The following PTK2 variants were observed in gnomAD, a reference collection of about 807,000 sequenced individuals.
PTK2 encodes focal adhesion kinase 1.
A neutral mutation model predicts 150.1 loss-of-function variants in PTK2; 45 were observed. The observed-to-expected ratio is 0.30, with a 90% confidence interval of 0.24 to 0.38. The LOEUF (loss-of-function observed/expected upper bound fraction) is 0.38, where lower values mean the gene tolerates loss of function less well. Among genes scored for constraint, PTK2 ranks in the 10% least tolerant of loss-of-function variants. The pLI, the probability that PTK2 is intolerant of heterozygous loss-of-function variation, is 1.00. For synonymous variants in PTK2, 432 were observed against 449.2 expected (o/e 0.96, Z 0.48); for missense variants, 919 against 1,307.3 (o/e 0.70, Z 4.58).
Position 140,929,201 on chromosome 8 carries a change from G to C in PTK2, c.-121-3452C>G, listed in dbSNP as rs185274835. On this transcript the variant is annotated intron_variant, in intron 1 of 31. Coordinates refer to ENST00000522684, the Ensembl canonical transcript of PTK2. ...GGGATGGTCTCGATCTCCTGACCTCGTGATCCGCCCGCCTCGGCCTCCCAA... is the reference window on the plus strand; with the variant it reads ...GGGATGGTCTCGATCTCCTGACCTCCTGATCCGCCCGCCTCGGCCTCCCAA... 9.4e-3 allele frequency among the ~76,000 whole-genome samples: 1,428 copies of C among 151,502 alleles called. 24 individuals are homozygous for C. Among genetic ancestry groups the C allele is most frequent in the Non-Finnish European group, 0.011 (753 of 67,840 alleles).
At chr8:140,802,476 G>A (rs1177136223) in intron 11 of PTK2, among the ~76,000 whole-genome samples, 1 of 152,044 alleles carries the variant, frequency 6.6e-6, no homozygotes, top group East Asian at 1.9e-4. Flanking sequence ...AAATATAAAA[G>A]TTACTGTAAG....
intron 29 of PTK2, chr8:140,669,207 T>C (rs530433848): frequency 6.6e-6 from 1 of 151,026 alleles, no homozygotes; most frequent in South Asian, 2.1e-4. Flanking sequence ...TAAGATAACT[T>C]GAGTACTGAT....
At chr8:140,922,517 A>C (rs946248271) in intron 2 of PTK2, among the ~76,000 whole-genome samples, 2 of 152,170 alleles carry the variant, frequency 1.3e-5, no homozygotes, top group Non-Finnish European at 2.9e-5. Context: ...ACCAGCAAGC[A>C]TATCTGACAC....
chr8:140,763,730 A>G (rs1359190625), intron 15 of PTK2, among the ~76,000 whole-genome samples: 1 of 152,056 alleles, frequency 6.6e-6, no homozygotes, highest in East Asian at 1.9e-4. Context: ...GTACAAACTG[A>G]CGATGGTTAT....
At chr8:140,802,351 A>G (rs1596205046) in intron 11 of PTK2, among the ~76,000 whole-genome samples, 2 of 152,316 alleles carry the variant, frequency 1.3e-5, no homozygotes, top group East Asian at 3.9e-4. Context: ...TAAAACTAGA[A>G]AAAAGCTTAC....
At chr8:140,990,110 A>C (rs2154610222) in intron 1 of PTK2, among the ~76,000 whole-genome samples, 1 of 152,260 alleles carries the variant, frequency 6.6e-6, no homozygotes, top group East Asian at 1.9e-4. Flanking sequence ...GTAACAGAAG[A>C]ATCACTTATT....
chr8:140,767,361 G>C (rs1397945709), intron 14 of PTK2, among the ~76,000 whole-genome samples: 1 of 151,978 alleles, frequency 6.6e-6, no homozygotes, highest in African/African-American at 2.4e-5. Context: ...TGTGTACTAT[G>C]ATGCAATGTG....
intron 22 of PTK2, chr8:140,734,561 G>A: frequency 5.7e-6 from 2 of 353,346 alleles, no homozygotes; most frequent in South Asian, 2.2e-5. Flanking sequence ...GTATGCACAT[G>A]CTTCTCTGAG....
intron 11 of PTK2, 34 bp downstream of exon 11, chr8:140,803,508 AT>A: frequency 1.3e-6 from 2 of 1,537,116 alleles, no homozygotes; most frequent in Non-Finnish European, 1.8e-6. Context: ...CTATTTAACC[AT>A]TTTCCCTTAA....
chr8:140,791,893 AG>A (rs1376094324), intron 13 of PTK2, among the ~76,000 whole-genome samples: 2 of 152,242 alleles, frequency 1.3e-5, no homozygotes, highest in Non-Finnish European at 2.9e-5. Context: ...AGGTTAGAGA[AG>A]TGAGCAGGAA....
intron 12 of PTK2, among the ~76,000 whole-genome samples, chr8:140,799,884 A>G (rs976504301): frequency 2.0e-5 from 3 of 152,192 alleles, no homozygotes; most frequent in Non-Finnish European, 4.4e-5. Flanking sequence ...CCTGCTGGGA[A>G]TATTTTCATT....
At chr8:140,915,766 G>T (rs2100165002) in intron 2 of PTK2, among the ~76,000 whole-genome samples, 1 of 152,090 alleles carries the variant, frequency 6.6e-6, no homozygotes, top group Non-Finnish European at 1.5e-5. Flanking sequence ...GCAGGCTGTG[G>T]TGGTGGGTTC....
In PTK2 at chr8:141,000,125, A is replaced by ACC. The variant is rs373286537; in HGVS notation, c.-122+998_-122+999dup. 9.7e-4 allele frequency among the ~76,000 whole-genome samples: 138 copies of ACC among 141,894 alleles called. 1 individual carries two copies. The highest frequency in any genetic ancestry group is 1.3e-3 in the Non-Finnish European group (88 of 66,586). The allele number at this position is 141,894 out of a possible 152,430, so 93.1% of individuals were successfully genotyped here. A position where few individuals can be genotyped will look rare whatever the true frequency, so the allele number is the denominator to read the frequency against. ...CACACACACACACACACACACACAC[A>ACC]CCCCTTCTTCTAAGAAAGAACAGGA... On this transcript the variant is annotated intron_variant, in intron 1 of 31. Transcript: ENST00000522684.
At chr8:140,971,483 T>C (rs2100187263) in intron 1 of PTK2, among the ~76,000 whole-genome samples, 1 of 152,198 alleles carries the variant, frequency 6.6e-6, no homozygotes, top group Admixed American at 6.5e-5. Context: ...ATTCTAACTT[T>C]ATGACCTTAG....
intron 3 of PTK2, among the ~76,000 whole-genome samples, chr8:140,888,683 T>C (rs971611211): frequency 6.6e-6 from 1 of 152,236 alleles, no homozygotes; most frequent in Non-Finnish European, 1.5e-5. Context: ...GTAATCCCCT[T>C]ACATGCAGAA....
At chr8:140,711,973 A>T (rs2100037093) in intron 23 of PTK2, among the ~76,000 whole-genome samples, 1 of 152,282 alleles carries the variant, frequency 6.6e-6, no homozygotes, top group South Asian at 2.1e-4. Flanking sequence ...TTTTATATAA[A>T]TGCCGTGCTG....
intron 1 of PTK2, among the ~76,000 whole-genome samples, chr8:140,980,129 C>T (rs1357839880): frequency 1.3e-5 from 2 of 152,188 alleles, no homozygotes; most frequent in Non-Finnish European, 2.9e-5. Flanking sequence ...TAAGAGTGTT[C>T]ACATTTGTGT....
chr8:140,820,081 T>TG (rs2100107348), intron 8 of PTK2, among the ~76,000 whole-genome samples: 1 of 41,078 alleles, frequency 2.4e-5, no homozygotes, highest in African/African-American at 1.4e-4. Flanking sequence ...CTTTGGTTTT[T>TG]TTTTTTTTTT....
chr8:140,705,279 A>G (rs558824498), intron 24 of PTK2, among the ~76,000 whole-genome samples: 1 of 152,324 alleles, frequency 6.6e-6, no homozygotes, highest in Non-Finnish European at 1.5e-5. Flanking sequence ...CACGCTTTCA[A>G]CAACTCTGTG....
Sources: allele counts gnomAD v4.1 joint callset (sites outside exome capture counted in the v4.1 genomes callset), GRCh38; gene constraint gnomAD v4.1.1; transcripts MANE v1.5; gene names NCBI Gene and HGNC (gene_info 2026-07-23, HGNC 2026-07-21).